Variants in BMP7 observed in about 807,000 individuals in gnomAD.
BMP7 encodes the protein osteogenic protein 1.
BMP7 carries 12 observed loss-of-function variants against 41.2 expected under a neutral mutation model. The observed-to-expected ratio is 0.29, with a 90% CI of 0.19 to 0.47. The LOEUF (loss-of-function observed/expected upper bound fraction) is 0.47. BMP7 is among the 20% of genes least tolerant of loss of function. The pLI is 0.99. For synonymous variants in BMP7, 248 were observed against 250.0 expected (o/e 0.99, Z 0.07); for missense variants, 467 against 606.0 (o/e 0.77, Z 2.41).
chr20:57,186,622 G>A (rs992933521), intron 3 of BMP7, among the ~76,000 whole-genome samples: 4 of 152,146 alleles, frequency 2.6e-5, no homozygotes, highest in African/African-American at 7.2e-5. Flanking sequence ...GGGGAGTTGG[G>A]AGGCTGAGCC....
intron 1 of BMP7, among the ~76,000 whole-genome samples, chr20:57,252,289 A>G (rs1441217016): frequency 4.6e-5 from 7 of 152,236 alleles, no homozygotes. Flanking sequence ...AGGCTGTACT[A>G]AAACAGGTTG....
At chr20:57,173,584 G>T in intron 5 of BMP7, 1 of 561,180 alleles carries the variant, frequency 1.8e-6, no homozygotes, top group Non-Finnish European at 3.2e-6. Flanking sequence ...GCTGCGGTGA[G>T]CTATGATCAC....
In BMP7 at chr20:57,202,519, G is replaced by C; in HGVS notation, c.716C>G (p.Pro239Arg). 6.2e-7 allele frequency: 1 copy of C among 1,609,682 alleles called. No homozygotes were observed. The highest frequency in any genetic ancestry group is 8.5e-7 in the Non-Finnish European group (1 of 1,179,862). The change falls in exon 3 of 7, where the codon CCG becomes CGG. Residue 239 changes from proline (P) to arginine (R), a missense_variant. This residue lies in a region of BMP7 where 407 missense variants were observed against 485.9 expected (regional missense o/e 0.84). Transcript: ENST00000395863. ...GAGCTGCAGGCCCAGGTTGTGCCGC[G>C]GATTGACCACCCAGTGGTTGCTGGT... is the stretch of plus-strand genomic sequence containing the variant. ...TATSNHWVVN[P>R]RHNLGLQLSV...
chr20:57,199,176 T>A (rs1290267877), intron 3 of BMP7, among the ~76,000 whole-genome samples: 2 of 152,152 alleles, frequency 1.3e-5, no homozygotes, highest in Non-Finnish European at 2.9e-5. Flanking sequence ...TGCACTGATT[T>A]GTCGGATGCA....
intron 3 of BMP7, among the ~76,000 whole-genome samples, chr20:57,200,116 G>T (rs1984588025): frequency 6.6e-6 from 1 of 152,232 alleles, no homozygotes; most frequent in African/African-American, 2.4e-5. Context: ...ACCTTGCTGG[G>T]TAATTGTGAG....
intron 2 of BMP7, among the ~76,000 whole-genome samples, chr20:57,209,249 TTATATATATATATATATATATA>T (rs57062226): frequency 3.6e-4 from 34 of 94,872 alleles, no homozygotes; most frequent in African/African-American, 8.2e-4. Context: ...TTATATATTT[TTATATATATATATATATATATA>T]TATATATATA....
rs552436413 is a variant in BMP7, at chr20:57,228,918, C to T, written c.419-497G>A. On this transcript the variant is annotated intron_variant, in intron 1 of 6. Coordinates refer to ENST00000395863, the MANE Select transcript of BMP7 (RefSeq NM_001719.3). The surrounding 1 kb of genome is among the most constrained non-coding windows in gnomAD (Gnocchi z 4.5). ...TTTAACATCTGCTAGGGTTGGATAA[C>T]TGTTAGCTATTGTTGGTAAGCATAA... Among the ~76,000 whole-genome samples the T allele has an allele frequency of 5.9e-5, 9 of 152,334 alleles. No individual in the cohort carries two copies. Among genetic ancestry groups the T allele is most frequent in the Admixed American group, 5.2e-4 (8 of 15,312 alleles).
chr20:57,191,894 A>G (rs1478531713), intron 3 of BMP7, among the ~76,000 whole-genome samples: 1 of 135,078 alleles, frequency 7.4e-6, no homozygotes, highest in Non-Finnish European at 1.5e-5. Flanking sequence ...TATATATAGT[A>G]TAGATAGTAT....
intron 4 of BMP7, 113 bp from the exon 5 acceptor site, chr20:57,175,120 G>C: frequency 8.8e-7 from 1 of 1,135,402 alleles, no homozygotes; most frequent in East Asian, 2.6e-5. Flanking sequence ...AGCACAGACG[G>C]CTGGGGGGTA....
chr20:57,258,255 C>T (rs75387738), intron 1 of BMP7, among the ~76,000 whole-genome samples: 4,100 of 152,308 alleles, frequency 0.027, 79 homozygotes, highest in Non-Finnish European at 0.041. Context: ...CGCCACCCCT[C>T]GGTATCTGGC....
At chr20:57,239,541 C>T (rs1366450259) in intron 1 of BMP7, among the ~76,000 whole-genome samples, 1 of 152,224 alleles carries the variant, frequency 6.6e-6, no homozygotes, top group Non-Finnish European at 1.5e-5. Context: ...CAGTGGCCCT[C>T]TTCTCACAGC....
chr20:57,182,337 G>A (rs1984103367), intron 4 of BMP7, among the ~76,000 whole-genome samples: 1 of 152,092 alleles, frequency 6.6e-6, no homozygotes, highest in African/African-American at 2.4e-5. Flanking sequence ...GCACCTTCTG[G>A]GGATCCCAGC....
intron 1 of BMP7, among the ~76,000 whole-genome samples, chr20:57,257,296 CT>C (rs2066137634): frequency 6.6e-6 from 1 of 152,124 alleles, no homozygotes; most frequent in Non-Finnish European, 1.5e-5. Context: ...TGATTCTAAA[CT>C]GTTAAATCAT....
chr20:57,205,901 C>G (rs536851622), intron 2 of BMP7, among the ~76,000 whole-genome samples: 1 of 152,276 alleles, frequency 6.6e-6, no homozygotes, highest in East Asian at 1.9e-4. Context: ...CTTAGGAGAG[C>G]CAAATCTTCA....
intron 2 of BMP7, among the ~76,000 whole-genome samples, chr20:57,226,876 G>C (rs2123116105): frequency 6.7e-6 from 1 of 149,136 alleles, no homozygotes; most frequent in South Asian, 2.1e-4. Flanking sequence ...ACCCAGGCTG[G>C]AGTGCGGTGG....
At chr20:57,218,614 G>A (rs983273507) in intron 2 of BMP7, among the ~76,000 whole-genome samples, 1 of 150,316 alleles carries the variant, frequency 6.7e-6, no homozygotes, top group African/African-American at 2.5e-5. Context: ...TGTTTGTTCA[G>A]TGGTAGCTGG....
intron 2 of BMP7, among the ~76,000 whole-genome samples, chr20:57,205,594 A>G (rs1050170885): frequency 6.6e-6 from 1 of 152,220 alleles, no homozygotes; most frequent in African/African-American, 2.4e-5. Flanking sequence ...TCCACACCTC[A>G]GCACAGAAGT....
intron 2 of BMP7, among the ~76,000 whole-genome samples, chr20:57,211,694 C>T (rs962559968): frequency 1.3e-5 from 2 of 152,186 alleles, no homozygotes; most frequent in Admixed American, 1.3e-4. Flanking sequence ...AGAGAATAAG[C>T]TGTGACAGCG....
intron 2 of BMP7, chr20:57,225,917 C>T (rs897374922): frequency 6.4e-6 from 3 of 471,148 alleles, no homozygotes; most frequent in African/African-American, 2.0e-5. Context: ...GTGTCTGGTT[C>T]GTTCTGGTCG....
Sources: allele counts gnomAD v4.1 joint callset (sites outside exome capture counted in the v4.1 genomes callset), GRCh38; gene constraint gnomAD v4.1.1; regional missense constraint gnomAD v4.1.1; non-coding constraint Gnocchi (gnomAD v3.1); transcripts MANE v1.5; gene names NCBI Gene and HGNC (gene_info 2026-07-23, HGNC 2026-07-21).